Variants in PLIN1 observed in about 807,000 individuals in gnomAD.
The protein encoded by PLIN1 is perilipin-1.
Under a neutral mutation model 45.8 loss-of-function variants are expected in PLIN1, and 37 were observed. The observed-to-expected ratio is 0.81, with a 90% CI of 0.62 to 1.06. PLIN1 has a LOEUF of 1.06. Ranked by LOEUF, PLIN1 falls within the 50% of genes least tolerant of loss-of-function variation. The probability of loss-of-function intolerance (pLI) is 0.00; values close to 1 mark genes in which losing one functional copy is unlikely to be tolerated. For missense variants in PLIN1, 776 were observed against 716.5 expected (o/e 1.08, Z -0.95); for synonymous variants, 340 against 309.2 (o/e 1.10, Z -1.05).
chr15:89,675,501 G>A (rs1596043775), intron 2 of PLIN1, among the ~76,000 whole-genome samples: 1 of 152,096 alleles, frequency 6.6e-6, no homozygotes, highest in Admixed American at 6.6e-5. Flanking sequence ...CAGCTGCTGG[G>A]GAGGCTGAGG....
rs1273032454 is a variant in PLIN1, at chr15:89,664,796, CA to C, written c.*786del. The C allele has an allele frequency of 2.3e-6, 1 of 436,698 alleles. No homozygotes were observed. Among genetic ancestry groups the C allele is most frequent in the Non-Finnish European group, 4.6e-6 (1 of 217,212 alleles). 27.1% of individuals were successfully genotyped at this position (436,698 alleles called of 1,614,324 possible). On this transcript the variant is annotated 3_prime_UTR_variant, in exon 9 of 9. Transcript: ENST00000300055. ...ATTTTCTAGATTTATCAAATATTAA[CA>C]TTTCGAAGACTAGGGTTGGGGATGA... is the stretch of plus-strand genomic sequence containing the variant.
rs146658430 is a variant in PLIN1 at position 89,677,425 on chromosome 15, G to A, written c.45+20C>T. The A allele has an allele frequency of 2.9e-4, 464 of 1,606,232 alleles. 4 individuals carry two copies. In the East Asian group the frequency reaches 9.7e-3, roughly 34 times the overall value. The stretch of plus-strand genomic sequence containing the variant: ...CCTCAGTTGTCCATCCCCTGTCACA[G>A]ATGAGCCCAAGTTACTTACAGGGAG... On this transcript the variant is annotated intron_variant, in intron 2 of 8. Transcript: ENST00000300055.
At chr15:89,675,299 T>A (rs767787050) in intron 2 of PLIN1, among the ~76,000 whole-genome samples, 1 of 151,678 alleles carries the variant, frequency 6.6e-6, no homozygotes, top group Non-Finnish European at 1.5e-5. Flanking sequence ...AAAACACTGG[T>A]CTTTGAGTAA....
intron 1 of PLIN1, 53 bp from the exon 2 acceptor site, chr15:89,677,556 T>G (rs1285495139): frequency 1.4e-6 from 2 of 1,472,576 alleles, no homozygotes; most frequent in Non-Finnish European, 1.9e-6. Flanking sequence ...TGAGCTCCAC[T>G]GGGTCACTTC....
rs2304797 is a variant in PLIN1 at position 89,666,936 on chromosome 15, C to T, written c.1209G>A (p.Pro403=). ...NVVDTVVHYV[P]LPRLSLMEPE... ...ACAGTTTGCCAGGGGTGGTACTCAC[C>T]GGCACGTAATGCACCACTGTGTCCA... Residue 403 remains proline (P), a splice_region_variant and synonymous_variant, in exon 8 of 9, where the codon CCG becomes CCA. Transcript: ENST00000300055. 1.4e-4 allele frequency: 226 copies of T among 1,613,872 alleles called. No homozygotes were observed. Among genetic ancestry groups the T allele is most frequent in the East Asian group, 1.1e-3 (50 of 44,878 alleles).
chr15:89,665,364 C>T lies in PLIN1; in HGVS notation c.*219G>A. The T allele has an allele frequency of 2.7e-6, 1 of 375,198 alleles. No individual in the cohort carries two copies. The highest frequency in any genetic ancestry group is 4.7e-6 in the Non-Finnish European group (1 of 211,640). 23.2% of individuals were successfully genotyped at this position (375,198 alleles called of 1,614,324 possible). On this transcript the variant is annotated 3_prime_UTR_variant, in exon 9 of 9. Coordinates refer to ENST00000300055, the MANE Select transcript of PLIN1 (RefSeq NM_002666.5). ...CAGAGCAGGCTGCGGCTCTGGTGTC[C>T]CTTAAAAACTGGCTCTGAGAGTGAA...
chr15:89,669,735 G>A, intron 5 of PLIN1, 63 bp from the exon 6 acceptor site: 2 of 1,449,014 alleles, frequency 1.4e-6, no homozygotes, highest in Non-Finnish European at 1.9e-6. Flanking sequence ...AGAGATCTGG[G>A]TCATGTCTAG....
chr15:89,665,686 C>A lies in PLIN1; in HGVS notation c.1466G>T (p.Arg489Leu), dbSNP rs1344250050. Residue 489 changes from arginine to leucine, a missense_variant, in exon 9 of 9, where the codon CGC becomes CTC. Transcript: ENST00000300055. ...GCTGACCCTGCGCTTTGGCTTCTCGCGGGGCACGGCCGGGAAGCCCGGGCG... is the reference window on the plus strand; with the variant it reads ...GCTGACCCTGCGCTTTGGCTTCTCGAGGGGCACGGCCGGGAAGCCCGGGCG... ...APRPGFPAVP[R>L]EKPKRRVSDS... The A allele has an allele frequency of 1.4e-6, 2 of 1,476,366 alleles. No individual in the cohort carries two copies. The highest frequency in any genetic ancestry group is 2.4e-4 in the Middle Eastern group (1 of 4,204). 91.5% of individuals were successfully genotyped at this position (1,476,366 alleles called of 1,614,324 possible).
intron 7 of PLIN1, 137 bp downstream of exon 7, chr15:89,667,465 G>GGGGGT (rs1288865509): frequency 7.4e-7 from 1 of 1,348,352 alleles, no homozygotes; most frequent in African/African-American, 1.4e-5. Flanking sequence ...CTGGGCATTT[G>GGGGGT]GGGGTGGGGT....
Position 89,665,161 on chromosome 15 carries a change from C to G in PLIN1, c.*422G>C. On this transcript the variant is annotated 3_prime_UTR_variant, in exon 9 of 9. Coordinates refer to ENST00000300055, the MANE Select transcript of PLIN1 (RefSeq NM_002666.5). ...TTCAGTGCTAAGAATGTGTCAAAAC[C>G]TTCTGTCTGGACCTTCAGAGTGGTG... 1 of 257,458 alleles carries G rather than the reference C, an allele frequency of 3.9e-6. No homozygotes were observed. Among genetic ancestry groups the G allele is most frequent in the South Asian group, 3.9e-5 (1 of 25,772 alleles). The allele number at this position is 257,458 out of a possible 1,614,324, so 15.9% of individuals were successfully genotyped here. A position where few individuals can be genotyped will look rare whatever the true frequency, so the allele number is the denominator to read the frequency against.
In PLIN1 at chr15:89,665,647, C is replaced by T; in HGVS notation, c.1505G>A (p.Arg502Gln). The change falls in exon 9 of 9, where the codon CGG becomes CAG. Residue 502 changes from arginine to glutamine, a missense_variant. Physicochemically the swap from Arg to Gln is conservative, Grantham distance 43. Transcript: ENST00000300055. ...CAGGATGGGCTCCATGACGCTGGGC[C>T]GGAAGAAGCTGTCGCTGACCCTGCG... ...PKRRVSDSFF[R>Q]PSVMEPILGR... 3 of 1,502,440 alleles carry T rather than the reference C, an allele frequency of 2.0e-6. No individual in the cohort carries two copies. Among genetic ancestry groups the T allele is most frequent in the Non-Finnish European group, 8.9e-7 (1 of 1,128,258 alleles). 93.1% of individuals were successfully genotyped at this position (1,502,440 alleles called of 1,614,324 possible).
chr15:89,677,605 G>C (rs1964538440), intron 1 of PLIN1, 102 bp from the exon 2 acceptor site: 4 of 957,418 alleles, frequency 4.2e-6, no homozygotes, highest in East Asian at 2.4e-5. Flanking sequence ...CAGGCTGCCT[G>C]GGGGCCCATT....
chr15:89,675,037 G>A (rs1360749005), intron 2 of PLIN1, among the ~76,000 whole-genome samples: 2 of 151,732 alleles, frequency 1.3e-5, no homozygotes, highest in African/African-American at 2.4e-5. Context: ...GATCGCATGA[G>A]TCCGGGAGTT....
chr15:89,665,876 C>T lies in PLIN1; in HGVS notation c.1276G>A (p.Val426Ile). Residue 426 changes from valine (V) to isoleucine (I), a missense_variant, in exon 9 of 9, where the codon GTC becomes ATC. Coordinates refer to ENST00000300055, the MANE Select transcript of PLIN1 (RefSeq NM_002666.5). The stretch of plus-strand genomic sequence containing the variant: ...CTGCGCTCCGCCTCCCGGCGCTCGA[C>T]CTCGGCTGGTGGGTTGTCGATGTCC... ...FRDIDNPPAE[V>I]ERREAERRAS... 6.6e-7 allele frequency: 1 copy of T among 1,517,064 alleles called. No individual in the cohort carries two copies. The highest frequency in any genetic ancestry group is 8.8e-7 in the Non-Finnish European group (1 of 1,140,324). 94.0% of individuals were successfully genotyped at this position (1,517,064 alleles called of 1,614,324 possible). A position where few individuals can be genotyped will look rare whatever the true frequency, so the allele number is the denominator to read the frequency against.
In PLIN1 at chr15:89,665,125, T is replaced by C. The variant is rs1383180393; in HGVS notation, c.*458A>G. The stretch of plus-strand genomic sequence containing the variant: ...CAGAGGGGGAACAGATCATCCTAGA[T>C]CACAGAGGAGTTCAGTGCTAAGAAT... On this transcript the variant is annotated 3_prime_UTR_variant, in exon 9 of 9. Coordinates refer to ENST00000300055, the MANE Select transcript of PLIN1 (RefSeq NM_002666.5). 5.8e-6 allele frequency: 2 copies of C among 342,646 alleles called. No individual in the cohort carries two copies. The highest frequency in any genetic ancestry group is 7.8e-5 in the Admixed American group (2 of 25,606). The allele number at this position is 342,646 out of a possible 1,614,324, so 21.2% of individuals were successfully genotyped here. A position where few individuals can be genotyped will look rare whatever the true frequency, so the allele number is the denominator to read the frequency against.
intron 2 of PLIN1, among the ~76,000 whole-genome samples, chr15:89,674,809 G>A (rs552411651): frequency 1.3e-5 from 2 of 152,124 alleles, no homozygotes. Context: ...GGTTCACACT[G>A]TGGTCTGGTG....
Position 89,665,362 on chromosome 15 carries a change from T to G in PLIN1, c.*221A>C. On this transcript the variant is annotated 3_prime_UTR_variant, in exon 9 of 9. Coordinates refer to ENST00000300055, the MANE Select transcript of PLIN1 (RefSeq NM_002666.5). Reference sequence around the variant, plus strand: ...ATCAGAGCAGGCTGCGGCTCTGGTGTCCCTTAAAAACTGGCTCTGAGAGTG... The same window carrying G: ...ATCAGAGCAGGCTGCGGCTCTGGTGGCCCTTAAAAACTGGCTCTGAGAGTG... 1 of 372,970 alleles carries G rather than the reference T, an allele frequency of 2.7e-6. No individual in the cohort carries two copies. Among genetic ancestry groups the G allele is most frequent in the Non-Finnish European group, 4.8e-6 (1 of 209,984 alleles). 23.1% of individuals were successfully genotyped at this position (372,970 alleles called of 1,614,324 possible). A position where few individuals can be genotyped will look rare whatever the true frequency, so the allele number is the denominator to read the frequency against.
chr15:89,667,592 T>G lies in PLIN1; in HGVS notation c.963+10A>C. ...CTGGGGGACCTTGAGGCTCCCACTC[T>G]CCCCCTCACCTCACTGAACTTGTTC... On this transcript the variant is annotated intron_variant, in intron 7 of 8. Transcript: ENST00000300055. 6.2e-7 allele frequency: 1 copy of G among 1,614,044 alleles called. No homozygotes were observed. Among genetic ancestry groups the G allele is most frequent in the East Asian group, 2.2e-5 (1 of 44,872 alleles).
chr15:89,667,236 T>C (rs1277984442), intron 7 of PLIN1, 55 bp from the exon 8 acceptor site: 2 of 1,605,920 alleles, frequency 1.2e-6, no homozygotes, highest in East Asian at 2.2e-5. Flanking sequence ...GACCCTTCCC[T>C]CCCCACCAGC....
Sources: allele counts gnomAD v4.1 joint callset (sites outside exome capture counted in the v4.1 genomes callset), GRCh38; gene constraint gnomAD v4.1.1; transcripts MANE v1.5; gene names NCBI Gene and HGNC (gene_info 2026-07-23, HGNC 2026-07-21).